CNTN5: variants seen among roughly 807,000 people sequenced by gnomAD.
The protein encoded by CNTN5 is contactin 5.
CNTN5 carries 77 observed loss-of-function variants against 129.1 expected under a neutral mutation model. The observed-to-expected ratio is 0.60, with a 90% CI of 0.50 to 0.72. CNTN5 has a LOEUF of 0.72. Ranked by LOEUF, CNTN5 falls within the 30% of genes least tolerant of loss-of-function variation. The probability of loss-of-function intolerance (pLI) is 0.00; values close to 1 mark genes in which losing one functional copy is unlikely to be tolerated. For missense variants in CNTN5, 1,478 were observed against 1,328.8 expected (o/e 1.11, Z -1.75); for synonymous variants, 509 against 465.6 (o/e 1.09, Z -1.20).
chr11:99,953,884 C>T (rs1028675400), intron 7 of CNTN5, among the ~76,000 whole-genome samples: 1 of 152,122 alleles, frequency 6.6e-6, no homozygotes, highest in African/African-American at 2.4e-5. Context: ...GTTGCAATTG[C>T]TTTTGGTGTT....
At chr11:99,429,564 G>T (rs1383517500) in intron 2 of CNTN5, among the ~76,000 whole-genome samples, 1 of 152,028 alleles carries the variant, frequency 6.6e-6, no homozygotes, top group Non-Finnish European at 1.5e-5. Context: ...GTTAAAAATG[G>T]ATACCATGCC....
chr11:100,145,462 A>G (rs538787647), intron 13 of CNTN5, among the ~76,000 whole-genome samples: 2 of 152,172 alleles, frequency 1.3e-5, no homozygotes, highest in African/African-American at 2.4e-5. Context: ...TTACGTAGGT[A>G]GGTGTTACAC....
chr11:100,043,744 A>G (rs547929522), intron 9 of CNTN5, among the ~76,000 whole-genome samples: 7 of 152,188 alleles, frequency 4.6e-5, no homozygotes, highest in African/African-American at 1.7e-4. Context: ...TCTGGGCTAC[A>G]TTCCCTCACC....
At chr11:99,481,137 T>C (rs1945584736) in intron 2 of CNTN5, among the ~76,000 whole-genome samples, 1 of 152,152 alleles carries the variant, frequency 6.6e-6, no homozygotes, top group African/African-American at 2.4e-5. Context: ...TTGTTTTAGT[T>C]CCTACTGGAT....
intron 2 of CNTN5, among the ~76,000 whole-genome samples, chr11:99,412,429 A>T (rs2135015031): frequency 6.6e-6 from 1 of 152,298 alleles, no homozygotes. Context: ...CTAATAGCTA[A>T]TTGGGAAGGC....
intron 13 of CNTN5, among the ~76,000 whole-genome samples, chr11:100,158,585 G>C (rs894450204): frequency 2.0e-5 from 3 of 151,740 alleles, no homozygotes; most frequent in Admixed American, 1.3e-4. Context: ...TTCAATAGAA[G>C]AAGTGTTCAA....
At chr11:99,511,511 T>C (rs1946834789) in intron 2 of CNTN5, among the ~76,000 whole-genome samples, 1 of 152,034 alleles carries the variant, frequency 6.6e-6, no homozygotes, top group South Asian at 2.1e-4. Context: ...GAAAAGAATG[T>C]ATATTCTGTT....
intron 3 of CNTN5, among the ~76,000 whole-genome samples, chr11:99,725,596 G>C (rs1034154576): frequency 6.6e-6 from 1 of 152,066 alleles, no homozygotes; most frequent in Admixed American, 6.6e-5. Context: ...ATGAAGAAAG[G>C]AATATGTGTG....
intron 7 of CNTN5, among the ~76,000 whole-genome samples, chr11:99,945,468 G>A (rs1950533089): frequency 7.2e-6 from 1 of 139,324 alleles, no homozygotes; most frequent in Non-Finnish European, 1.5e-5. Context: ...GGTAAACATA[G>A]CAAAAAATAA....
intron 3 of CNTN5, among the ~76,000 whole-genome samples, chr11:99,730,222 G>A (rs1247772235): frequency 1.6e-4 from 25 of 152,134 alleles, no homozygotes; most frequent in Non-Finnish European, 7.4e-5. Context: ...CTAGAAGGAG[G>A]CAGAATTCTG....
rs114762457 is a variant in CNTN5, at chr11:99,118,917, C to T, written c.-210+97647C>T. ...ATACCATAATTATACCTTAATTATG[C>T]TGTATTTATTATAATTATGTTAGAT... On this transcript the variant is annotated intron_variant, in intron 1 of 24. Transcript: ENST00000524871. Among the ~76,000 whole-genome samples the T allele has an allele frequency of 4.4e-3, 661 of 151,192 alleles. 2 individuals carry two copies. Among genetic ancestry groups the T allele is most frequent in the African/African-American group, 0.016 (640 of 41,238 alleles).
intron 9 of CNTN5, among the ~76,000 whole-genome samples, chr11:100,028,603 C>T (rs920291517): frequency 6.6e-6 from 1 of 152,202 alleles, no homozygotes; most frequent in African/African-American, 2.4e-5. Flanking sequence ...CAGTCCATTT[C>T]TCAAGCTTTC....
chr11:99,580,719 C>T (rs1014633675), intron 3 of CNTN5, among the ~76,000 whole-genome samples: 3 of 150,814 alleles, frequency 2.0e-5, no homozygotes, highest in Admixed American at 2.0e-4. Flanking sequence ...ATTCTTCTCT[C>T]TTTTCTTCTT....
intron 16 of CNTN5, among the ~76,000 whole-genome samples, chr11:100,242,082 A>G (rs569246223): frequency 1.3e-5 from 2 of 152,188 alleles, no homozygotes; most frequent in South Asian, 2.1e-4. Context: ...GTTCCTTGCT[A>G]TTGCCTTCTA....
intron 1 of CNTN5, among the ~76,000 whole-genome samples, chr11:99,121,812 C>T (rs1458504779): frequency 6.6e-6 from 1 of 152,038 alleles, no homozygotes; most frequent in Non-Finnish European, 1.5e-5. Context: ...CCTCTATTTA[C>T]TTATGGACAT....
At chr11:99,374,016 C>A (rs72985763) in intron 2 of CNTN5, among the ~76,000 whole-genome samples, 1 of 152,026 alleles carries the variant, frequency 6.6e-6, no homozygotes. Context: ...GTCATATAAT[C>A]CAGAAGCATG....
chr11:100,089,626 C>T (rs933969331), intron 13 of CNTN5, among the ~76,000 whole-genome samples: 2 of 152,164 alleles, frequency 1.3e-5, no homozygotes, highest in East Asian at 1.9e-4. Flanking sequence ...TTCACAATAG[C>T]AAATACATGG....
chr11:100,195,481 T>C (rs1948614548), intron 15 of CNTN5, among the ~76,000 whole-genome samples: 1 of 151,936 alleles, frequency 6.6e-6, no homozygotes, highest in South Asian at 2.1e-4. Flanking sequence ...TTTGCATATA[T>C]GCTTTCCTTG....
intron 18 of CNTN5, among the ~76,000 whole-genome samples, chr11:100,280,105 A>G (rs1182760321): frequency 6.6e-6 from 1 of 151,596 alleles, no homozygotes; most frequent in African/African-American, 2.4e-5. Context: ...GACCTAACAT[A>G]TGGCCTATCC....
Sources: allele counts gnomAD v4.1 joint callset (sites outside exome capture counted in the v4.1 genomes callset), GRCh38; gene constraint gnomAD v4.1.1; transcripts MANE v1.5; gene names NCBI Gene and HGNC (gene_info 2026-07-23, HGNC 2026-07-21).